KIFC3: variants seen among roughly 807,000 people sequenced by gnomAD.
The protein encoded by KIFC3 is kinesin family member C3.
A neutral mutation model predicts 101.8 loss-of-function variants in KIFC3; 60 were observed. The ratio of observed to expected loss-of-function variants is 0.59; its 90% CI spans 0.48 to 0.73. KIFC3 has a LOEUF of 0.73. Ranked by LOEUF, KIFC3 falls within the 30% of genes least tolerant of loss-of-function variation. The pLI, the probability that KIFC3 is intolerant of heterozygous loss-of-function variation, is 0.00. For missense variants in KIFC3, 966 were observed against 1,137.1 expected (o/e 0.85, Z 2.16); for synonymous variants, 476 against 482.7 (o/e 0.99, Z 0.18).
intron 1 of KIFC3, chr16:57,810,598 G>T: frequency 1.1e-6 from 1 of 938,210 alleles, no homozygotes; most frequent in Non-Finnish European, 1.3e-6. Flanking sequence ...TCCAAGGGAG[G>T]GGAGGGACAA....
chr16:57,828,771 G>A (rs114863219), intron 1 of KIFC3, among the ~76,000 whole-genome samples: 1,639 of 152,152 alleles, frequency 0.011, 26 homozygotes, highest in African/African-American at 0.037. Context: ...CCTACAGGAG[G>A]CACTCAGCCC....
At chr16:57,827,745 T>C (rs10852558) in intron 1 of KIFC3, among the ~76,000 whole-genome samples, 138,164 of 152,264 alleles carry the variant, frequency 0.91, 62,968 homozygotes, top group African/African-American at 0.97. Flanking sequence ...GTCTCTCACA[T>C]TTTGGAGAGA....
intron 1 of KIFC3, among the ~76,000 whole-genome samples, chr16:57,858,538 C>T (rs1379517403): frequency 6.6e-6 from 1 of 152,156 alleles, no homozygotes; most frequent in African/African-American, 2.4e-5. Context: ...CCAGCATTGT[C>T]TTTCTCTGGA....
intron 14 of KIFC3, 70 bp downstream of exon 14, chr16:57,761,343 A>G (rs782477294): frequency 6.2e-6 from 10 of 1,602,882 alleles, no homozygotes; most frequent in Admixed American, 1.7e-5. Flanking sequence ...GACACAGCAG[A>G]GCCTACATTC....
At position 57,768,172 on chromosome 16, in the gene KIFC3, AAAAC is replaced by A. The variant is rs1221893370; in HGVS notation, c.1219-1191_1219-1188del. ...GAAGCCCAGCCTCTATTAAAAATAC[AAAAC>A]AAACAAACAAACAAACAAAACTAGC... On this transcript the variant is annotated intron_variant, in intron 9 of 19. Transcript: ENST00000445690. Among the ~76,000 whole-genome samples, 346 of 152,198 alleles carry A rather than the reference AAAAC, an allele frequency of 2.3e-3. 1 individual carries two copies. The highest frequency in any genetic ancestry group is 7.8e-3 in the African/African-American group (323 of 41,550).
At chr16:57,851,881 A>G (rs2056067424) in intron 1 of KIFC3, among the ~76,000 whole-genome samples, 1 of 152,120 alleles carries the variant, frequency 6.6e-6, no homozygotes, top group Admixed American at 6.5e-5. Context: ...CTGGGATTAC[A>G]GGCATGTACC....
At chr16:57,851,186 T>A (rs692533) in intron 1 of KIFC3, among the ~76,000 whole-genome samples, 68,496 of 151,718 alleles carry the variant, frequency 0.45, 16,596 homozygotes, top group East Asian at 0.63. Context: ...AATGTTTTTT[T>A]AATGTTTTGT....
chr16:57,769,496 G>C lies in KIFC3; in HGVS notation c.1218+99C>G. 6.9e-7 allele frequency: 1 copy of C among 1,457,182 alleles called. No individual in the cohort carries two copies. Among genetic ancestry groups the C allele is most frequent in the Non-Finnish European group, 9.2e-7 (1 of 1,082,720 alleles). 90.3% of individuals were successfully genotyped at this position (1,457,182 alleles called of 1,614,324 possible). On this transcript the variant is annotated intron_variant, in intron 9 of 19. Transcript: ENST00000445690. This position sits in a 1 kb window ranked among gnomAD's most constrained non-coding sequence, Gnocchi z 4.3. ...GTGGGGCAGGGGCTGCTGTCTGAGC[G>C]GCTTTGTCTGAGCTTTGGAGGGACG...
At chr16:57,851,399 C>T (rs1006871127) in intron 1 of KIFC3, among the ~76,000 whole-genome samples, 1 of 152,042 alleles carries the variant, frequency 6.6e-6, no homozygotes, top group Non-Finnish European at 1.5e-5. Flanking sequence ...TGATTTTTCC[C>T]CTCATATTAA....
chr16:57,845,992 C>G (rs1265805683), intron 1 of KIFC3, among the ~76,000 whole-genome samples: 1 of 152,118 alleles, frequency 6.6e-6, no homozygotes, highest in Non-Finnish European at 1.5e-5. Flanking sequence ...TTTGTCAAAA[C>G]AAAGCTGAGA....
chr16:57,772,426 C>A, intron 3 of KIFC3, 138 bp from the exon 4 acceptor site: 1 of 655,894 alleles, frequency 1.5e-6, no homozygotes. Context: ...CCCCTATGTT[C>A]AAGCATCCCA....
At chr16:57,780,171 T>G (rs2052554463) in intron 3 of KIFC3, among the ~76,000 whole-genome samples, 1 of 152,228 alleles carries the variant, frequency 6.6e-6, no homozygotes, top group Admixed American at 6.5e-5. Flanking sequence ...ATGGTGATGG[T>G]TGTTGCACAA....
At chr16:57,824,261 G>T (rs2055414887) in intron 1 of KIFC3, among the ~76,000 whole-genome samples, 1 of 152,240 alleles carries the variant, frequency 6.6e-6, no homozygotes, top group South Asian at 2.1e-4. Context: ...GAGCCACTGA[G>T]TCTGCACCAC....
intron 2 of KIFC3, 60 bp downstream of exon 2, chr16:57,798,012 A>G (rs2054476072): frequency 1.3e-6 from 2 of 1,552,158 alleles, no homozygotes; most frequent in Non-Finnish European, 1.7e-6. Flanking sequence ...CCTCAGTCTC[A>G]TCTCTGGTAT....
rs1416611654 is a variant in KIFC3, at chr16:57,758,440, C to A, written c.*494G>T. On this transcript the variant is annotated 3_prime_UTR_variant, in exon 20 of 20. Transcript: ENST00000445690. ...CCGCACACCCCCCAGCTGCGGGAACCCTCCTTGAAGGAGAGGGGCGGGGAG... is the reference window on the plus strand; with the variant it reads ...CCGCACACCCCCCAGCTGCGGGAACACTCCTTGAAGGAGAGGGGCGGGGAG... The A allele has an allele frequency of 2.7e-6, 1 of 375,652 alleles. No homozygotes were observed. Among genetic ancestry groups the A allele is most frequent in the Non-Finnish European group, 5.2e-6 (1 of 193,508 alleles). The allele number at this position is 375,652 out of a possible 1,614,324, so 23.3% of individuals were successfully genotyped here.
intron 1 of KIFC3, among the ~76,000 whole-genome samples, chr16:57,832,534 A>G (rs1398856468): frequency 6.6e-6 from 1 of 151,638 alleles, no homozygotes; most frequent in Non-Finnish European, 1.5e-5. Context: ...AGGCTGGTCT[A>G]GAACTCCTAA....
At chr16:57,845,240 C>G (rs2055892926) in intron 1 of KIFC3, among the ~76,000 whole-genome samples, 1 of 152,190 alleles carries the variant, frequency 6.6e-6, no homozygotes, top group African/African-American at 2.4e-5. Context: ...CCTGCCGGCT[C>G]TACCTTCAAA....
chr16:57,842,330 G>A (rs1160359709), intron 1 of KIFC3, among the ~76,000 whole-genome samples: 2 of 152,210 alleles, frequency 1.3e-5, no homozygotes, highest in Non-Finnish European at 2.9e-5. Flanking sequence ...CAGGGTCAGA[G>A]CCCCCTGTGT....
intron 1 of KIFC3, among the ~76,000 whole-genome samples, chr16:57,817,566 A>C (rs2055256655): frequency 6.6e-6 from 1 of 151,948 alleles, no homozygotes; most frequent in South Asian, 2.1e-4. Context: ...ATGTCACACC[A>C]GTCTCTTTCC....
Sources: gnomAD v4.1 joint callset for allele counts (sites outside exome capture counted in the v4.1 genomes callset) on GRCh38, gnomAD v4.1.1 for gene constraint, Gnocchi (gnomAD v3.1) non-coding constraint, MANE v1.5 for transcripts, NCBI Gene and HGNC (gene_info 2026-07-23, HGNC 2026-07-21) for gene names.